Variants in POLN observed in about 807,000 individuals in gnomAD.
POLN encodes the protein DNA polymerase nu, also known as DNA polymerase N.
In POLN, 108 loss-of-function variants were observed where a neutral mutation model predicts 113.5. The ratio of observed to expected loss-of-function variants is 0.95; its 90% CI spans 0.81 to 1.12. The LOEUF is 1.12. Ranked by LOEUF, POLN falls within the 50% of genes most tolerant of loss-of-function variation. The pLI is 0.00. For missense variants in POLN, 1,097 were observed against 1,077.1 expected (o/e 1.02, Z -0.26); for synonymous variants, 386 against 391.5 (o/e 0.99, Z 0.17).
At chr4:2,097,903 A>G (rs1358152704) in intron 19 of POLN, among the ~76,000 whole-genome samples, 1 of 152,092 alleles carries the variant, frequency 6.6e-6, no homozygotes, top group Non-Finnish European at 1.5e-5. Flanking sequence ...GTTTTGTTAG[A>G]TTTTTCAATG....
chr4:2,090,418 T>C, intron 20 of POLN: 1 of 610,294 alleles, frequency 1.6e-6, no homozygotes, highest in Non-Finnish European at 3.0e-6. Context: ...GTTCGAAACA[T>C]AATTGAAAGA....
intron 20 of POLN, among the ~76,000 whole-genome samples, chr4:2,091,798 T>TGCGCGC (rs552997507): frequency 6.7e-4 from 90 of 133,408 alleles, no homozygotes; most frequent in Non-Finnish European, 1.0e-3. Flanking sequence ...TGTGTGTGTG[T>TGCGCGC]GTGCGCGCGC....
At chr4:2,188,424 C>T (rs998199447) in intron 7 of POLN, among the ~76,000 whole-genome samples, 1 of 152,062 alleles carries the variant, frequency 6.6e-6, no homozygotes, top group South Asian at 2.1e-4. Context: ...CACAGTGAAA[C>T]CCCATCTCTA....
At chr4:2,116,423 G>A (rs889317120) in intron 19 of POLN, among the ~76,000 whole-genome samples, 2 of 152,104 alleles carry the variant, frequency 1.3e-5, no homozygotes, top group Non-Finnish European at 2.9e-5. Context: ...TATATCACCA[G>A]CTCTCTGAGA....
At position 2,091,571 on chromosome 4, in the gene POLN, G is replaced by A. The variant is rs922616020; in HGVS notation, c.2065+4280C>T. On this transcript the variant is annotated intron_variant, in intron 20 of 25. Transcript: ENST00000511885. The stretch of plus-strand genomic sequence containing the variant: ...GGGGACTTCTCTGTCCCATGCTTCC[G>A]CTGGACTGCTCCTTCTTTTCATAGA... Among the ~76,000 whole-genome samples the A allele has an allele frequency of 4.6e-5, 7 of 152,122 alleles. No homozygotes were observed. The South Asian group carries it at 6.2e-4, about 14-fold the overall frequency.
At chr4:2,149,933 A>T (rs1033258920) in intron 16 of POLN, among the ~76,000 whole-genome samples, 7 of 151,938 alleles carry the variant, frequency 4.6e-5, no homozygotes, top group African/African-American at 1.7e-4. Flanking sequence ...AATACCAAAA[A>T]TTAGCTGGGT....
At chr4:2,088,404 TAAA>T (rs1730596977) in intron 20 of POLN, among the ~76,000 whole-genome samples, 1 of 152,168 alleles carries the variant, frequency 6.6e-6, no homozygotes, top group Non-Finnish European at 1.5e-5. Context: ...TATTTCATCA[TAAA>T]AAACATAGAA....
chr4:2,175,130 C>T (rs1732963970), intron 9 of POLN, among the ~76,000 whole-genome samples: 1 of 152,106 alleles, frequency 6.6e-6, no homozygotes, highest in Admixed American at 6.5e-5. Flanking sequence ...AACCAAAAAG[C>T]CTAAATTTTG....
At chr4:2,168,085 T>C (rs1053981486) in intron 13 of POLN, among the ~76,000 whole-genome samples, 1 of 152,200 alleles carries the variant, frequency 6.6e-6, no homozygotes, top group Non-Finnish European at 1.5e-5. Flanking sequence ...GGTTCATTAG[T>C]GACTTCTTGA....
rs970259780 is a variant in POLN, at chr4:2,073,159, G to A, written c.2456-130C>T. 18 of 819,228 alleles carry A rather than the reference G, an allele frequency of 2.2e-5. 1 individual carries two copies. Among genetic ancestry groups the A allele is most frequent in the South Asian group, 1.8e-4 (11 of 62,788 alleles). The allele number at this position is 819,228 out of a possible 1,614,324, so 50.7% of individuals were successfully genotyped here. On this transcript the variant is annotated intron_variant, in intron 24 of 25. Coordinates refer to ENST00000511885, the MANE Select transcript of POLN (RefSeq NM_181808.4). ...GCCCCCTTGTTTCCTGTGTCCACTC[G>A]GTCACCTGAACCAGCTGTGGGACCT... is the stretch of plus-strand genomic sequence containing the variant.
At chr4:2,209,755 C>A (rs552452043) in intron 4 of POLN, among the ~76,000 whole-genome samples, 1 of 148,904 alleles carries the variant, frequency 6.7e-6, no homozygotes, top group East Asian at 2.0e-4. Context: ...TCCATGTCCC[C>A]GGCTCAAGTA....
intron 3 of POLN, among the ~76,000 whole-genome samples, chr4:2,223,812 T>C: frequency 6.6e-6 from 1 of 152,220 alleles, no homozygotes; most frequent in Non-Finnish European, 1.5e-5. Flanking sequence ...ATAGGGCACT[T>C]ACCATAAATG....
At chr4:2,135,324 G>C (rs1454603899) in intron 16 of POLN, among the ~76,000 whole-genome samples, 1 of 152,120 alleles carries the variant, frequency 6.6e-6, no homozygotes. Context: ...AACCTTCATG[G>C]GCCTTCAGCA....
rs183922572 is a variant in POLN at position 2,129,234 on chromosome 4, C to T, written c.1812G>A (p.Thr604=). The T allele has an allele frequency of 7.5e-6, 12 of 1,596,776 alleles. No individual in the cohort carries two copies. The highest frequency in any genetic ancestry group is 1.7e-5 in the Admixed American group (1 of 59,944). Residue 604 remains threonine (T), a synonymous_variant, in exon 18 of 26, where the codon ACG becomes ACA. Transcript: ENST00000511885. The stretch of plus-strand genomic sequence containing the variant: ...AAACAAACATGGCCCTCGGGGAGAT[C>T]GTGAGAATCTTGTCTTCTTTACCTG... ...NFKGKEDKIL[T]ISPRAMFVSS... is the part of the protein sequence containing the mutation.
chr4:2,075,879 C>T (rs1254983849), intron 23 of POLN, among the ~76,000 whole-genome samples: 4 of 152,280 alleles, frequency 2.6e-5, no homozygotes, highest in Admixed American at 6.5e-5. Context: ...GCCCCGTGTC[C>T]GCCCCACCCA....
At chr4:2,189,864 A>C (rs917836209) in intron 7 of POLN, among the ~76,000 whole-genome samples, 30 of 151,924 alleles carry the variant, frequency 2.0e-4, no homozygotes, top group African/African-American at 7.2e-4. Context: ...CCCCGTCTCT[A>C]CTAAAAATAC....
chr4:2,240,668 T>G, intron 2 of POLN: 1 of 1,614,054 alleles, frequency 6.2e-7, no homozygotes, highest in Non-Finnish European at 8.5e-7. Flanking sequence ...TATCATCCAG[T>G]CTAGGTGTCT....
intron 20 of POLN, among the ~76,000 whole-genome samples, 184 bp from the exon 21 acceptor site, chr4:2,085,928 T>C (rs1730539404): frequency 1.3e-5 from 2 of 152,172 alleles, no homozygotes; most frequent in Non-Finnish European, 2.9e-5. Context: ...CTGTGAAACA[T>C]GTATTTATTC....
chr4:2,172,951 C>T (rs1045793458), intron 11 of POLN, among the ~76,000 whole-genome samples: 5 of 152,148 alleles, frequency 3.3e-5, no homozygotes, highest in African/African-American at 9.7e-5. Context: ...CAGTCCACAG[C>T]GGGAAACTCC....
Sources: gnomAD v4.1 joint callset for allele counts (sites outside exome capture counted in the v4.1 genomes callset) on GRCh38, gnomAD v4.1.1 for gene constraint, MANE v1.5 for transcripts, NCBI Gene and HGNC (gene_info 2026-07-23, HGNC 2026-07-21) for gene names.